The following CFAP299 variants were observed in gnomAD, a reference collection of about 807,000 sequenced individuals.
The protein encoded by CFAP299 is cilia and flagella associated protein 299.
Under a neutral mutation model 27.0 loss-of-function variants are expected in CFAP299, and 21 were observed. The observed-to-expected ratio is 0.78, with a 90% CI of 0.55 to 1.12. CFAP299 has a LOEUF of 1.12. Ranked by LOEUF, CFAP299 falls within the 50% of genes most tolerant of loss-of-function variation. The pLI is 0.00. For missense variants in CFAP299, 310 were observed against 276.6 expected, an observed-to-expected ratio of 1.12 and a Z score of -0.86; for synonymous variants, 104 against 98.1, an observed-to-expected ratio of 1.06 and a Z score of -0.36.
At chr4:80,432,968 A>G (rs1727897825) in intron 2 of CFAP299, among the ~76,000 whole-genome samples, 1 of 151,994 alleles carries the variant, frequency 6.6e-6, no homozygotes. Flanking sequence ...CACCTTCTTT[A>G]CTCATCTTAT....
intron 3 of CFAP299, among the ~76,000 whole-genome samples, chr4:80,748,546 G>T (rs1338111879): frequency 6.6e-6 from 1 of 151,932 alleles, no homozygotes; most frequent in Non-Finnish European, 1.5e-5. Context: ...TTATGTTTTT[G>T]ACACATAATA....
intron 2 of CFAP299, among the ~76,000 whole-genome samples, chr4:80,419,557 C>T (rs570383361): frequency 1.3e-5 from 2 of 152,106 alleles, no homozygotes; most frequent in Non-Finnish European, 2.9e-5. Flanking sequence ...TTTTTTCTAC[C>T]TATTGGAAGC....
intron 3 of CFAP299, among the ~76,000 whole-genome samples, chr4:80,744,249 T>C (rs1055898219): frequency 1.3e-5 from 2 of 152,148 alleles, no homozygotes; most frequent in East Asian, 3.8e-4. Context: ...TGCCACTGCC[T>C]TTCCATTTCC....
At chr4:80,556,136 A>G (rs1007277250) in intron 2 of CFAP299, among the ~76,000 whole-genome samples, 1 of 152,058 alleles carries the variant, frequency 6.6e-6, no homozygotes, top group Non-Finnish European at 1.5e-5. Context: ...TGGGTTAGCA[A>G]TCTTTATGAA....
At chr4:80,655,092 CT>C (rs931026466) in intron 3 of CFAP299, among the ~76,000 whole-genome samples, 169 of 152,174 alleles carry the variant, frequency 1.1e-3, no homozygotes, top group African/African-American at 3.9e-3. Flanking sequence ...AATACTTAAT[CT>C]TTTACCTTTA....
At chr4:80,943,932 G>T (rs866429360) in intron 4 of CFAP299, among the ~76,000 whole-genome samples, 14 of 152,180 alleles carry the variant, frequency 9.2e-5, no homozygotes, top group Admixed American at 2.6e-4. Flanking sequence ...TGAGCGTGGT[G>T]GCGCACACCT....
intron 3 of CFAP299, among the ~76,000 whole-genome samples, chr4:80,841,484 G>T (rs1730859579): frequency 6.6e-6 from 1 of 152,074 alleles, no homozygotes; most frequent in Admixed American, 6.6e-5. Flanking sequence ...GTCTACACAG[G>T]TTAAGCAATT....
chr4:80,693,095 G>T (rs183559369), intron 3 of CFAP299, among the ~76,000 whole-genome samples: 143 of 152,378 alleles, frequency 9.4e-4, no homozygotes, highest in African/African-American at 3.2e-3. Flanking sequence ...TACACTGTTG[G>T]TGGGACTGTA....
intron 3 of CFAP299, among the ~76,000 whole-genome samples, chr4:80,776,044 T>C (rs950561158): frequency 7.2e-5 from 11 of 152,146 alleles, no homozygotes; most frequent in African/African-American, 2.7e-4. Context: ...AGACTGTTGC[T>C]GTTAGGTTCA....
intron 3 of CFAP299, among the ~76,000 whole-genome samples, chr4:80,772,324 A>G (rs145521893): frequency 2.0e-5 from 3 of 152,280 alleles, no homozygotes; most frequent in African/African-American, 7.2e-5. Flanking sequence ...CAGGTCTCTT[A>G]TCACTTTATG....
At chr4:80,550,808 T>G (rs1734478282) in intron 2 of CFAP299, among the ~76,000 whole-genome samples, 2 of 151,338 alleles carry the variant, frequency 1.3e-5, no homozygotes. Flanking sequence ...CGCATACACA[T>G]GCATAGTCCT....
chr4:80,430,688 A>G (rs1331173255), intron 2 of CFAP299, among the ~76,000 whole-genome samples: 1 of 152,146 alleles, frequency 6.6e-6, no homozygotes, highest in Non-Finnish European at 1.5e-5. Context: ...TCTAGTACAT[A>G]GAGACTCCTG....
chr4:80,947,446 A>G (rs1737534501), intron 5 of CFAP299, among the ~76,000 whole-genome samples: 1 of 152,184 alleles, frequency 6.6e-6, no homozygotes, highest in Admixed American at 6.5e-5. Context: ...TGACCTTGAT[A>G]AATTCACTCA....
chr4:80,638,221 C>CATCCT (rs1296976453), intron 3 of CFAP299, among the ~76,000 whole-genome samples: 1 of 152,178 alleles, frequency 6.6e-6, no homozygotes, highest in East Asian at 1.9e-4. Flanking sequence ...TTCACAGTGC[C>CATCCT]ATCCTGATCC....
At chr4:80,737,798 T>A (rs2110061586) in intron 3 of CFAP299, among the ~76,000 whole-genome samples, 1 of 152,146 alleles carries the variant, frequency 6.6e-6, no homozygotes, top group South Asian at 2.1e-4. Context: ...AAAACCCAGT[T>A]TTTTATTTCA....
At chr4:80,961,103 A>T (rs980904739) in intron 5 of CFAP299, among the ~76,000 whole-genome samples, 5 of 151,730 alleles carry the variant, frequency 3.3e-5, no homozygotes, top group African/African-American at 1.2e-4. Flanking sequence ...TAAAAGAAAA[A>T]AAAAACACAA....
At chr4:80,476,525 G>A (rs1049958530) in intron 2 of CFAP299, among the ~76,000 whole-genome samples, 5 of 152,028 alleles carry the variant, frequency 3.3e-5, no homozygotes, top group African/African-American at 1.2e-4. Context: ...GGAGTTAATG[G>A]CACTGCATTT....
At chr4:80,895,674 A>T (rs960422904) in intron 4 of CFAP299, among the ~76,000 whole-genome samples, 3 of 151,944 alleles carry the variant, frequency 2.0e-5, no homozygotes, top group African/African-American at 4.8e-5. Context: ...TCCCAAAGAG[A>T]TTTCAATCCC....
intron 2 of CFAP299, among the ~76,000 whole-genome samples, chr4:80,426,552 A>G (rs1560562266): frequency 6.6e-6 from 1 of 152,220 alleles, no homozygotes; most frequent in African/African-American, 2.4e-5. Flanking sequence ...CCTGTTCATA[A>G]GAATCTTCTG....
Sources: gnomAD v4.1 joint callset for allele counts (sites outside exome capture counted in the v4.1 genomes callset) on GRCh38, gnomAD v4.1.1 for gene constraint, MANE v1.5 for transcripts, NCBI Gene and HGNC (gene_info 2026-07-23, HGNC 2026-07-21) for gene names.